The following TMEM130 variants were observed in gnomAD, a reference collection of about 807,000 sequenced individuals.
The protein encoded by TMEM130 is transmembrane protein 130.
Under a neutral mutation model 42.9 loss-of-function variants are expected in TMEM130, and 37 were observed. The ratio of observed to expected loss-of-function variants is 0.86; its 90% CI spans 0.66 to 1.13. The LOEUF (loss-of-function observed/expected upper bound fraction) is 1.13. Among genes scored for constraint, TMEM130 ranks in the 50% most tolerant of loss-of-function variants. The probability of loss-of-function intolerance (pLI) is 0.00; values close to 1 mark genes in which losing one functional copy is unlikely to be tolerated. For missense variants in TMEM130, 545 were observed against 562.6 expected (o/e 0.97, Z 0.32); for synonymous variants, 259 against 237.7 (o/e 1.09, Z -0.82).
intron 1 of TMEM130, among the ~76,000 whole-genome samples, chr7:98,868,110 T>G (rs1353616653): frequency 2.6e-5 from 4 of 152,178 alleles, no homozygotes; most frequent in African/African-American, 9.7e-5. Context: ...GCGCCTGTAA[T>G]CCCAGCTACT....
chr7:98,855,861 G>A (rs1419480279), intron 4 of TMEM130, among the ~76,000 whole-genome samples, 156 bp downstream of exon 4: 2 of 152,206 alleles, frequency 1.3e-5, no homozygotes, highest in Admixed American at 6.5e-5. Context: ...GGCCTGCAGC[G>A]CTCTGTCTGA....
At chr7:98,860,084 A>AG in intron 3 of TMEM130, 95 bp downstream of exon 3, 36 of 1,177,900 alleles carry the variant, frequency 3.1e-5, no homozygotes, top group Non-Finnish European at 3.8e-5. Flanking sequence ...AAAAAAAAAA[A>AG]TTAAAGGTGA....
Position 98,868,328 on chromosome 7 carries a change from C to A in TMEM130, c.85+1449G>T, listed in dbSNP as rs191210088. Among the ~76,000 whole-genome samples the A allele has an allele frequency of 7.2e-5, 11 of 152,274 alleles. No individual in the cohort carries two copies. The East Asian group carries it at 2.1e-3, about 29-fold the overall frequency. ...AGGTTTAGGGGACTCCAAGGGCCCC[C>A]CAAGTCACCCAGAGCTCAAGGGGCA... is the stretch of plus-strand genomic sequence containing the variant. On this transcript the variant is annotated intron_variant, in intron 1 of 7. Transcript: ENST00000339375.
Position 98,847,795 on chromosome 7 carries a change from C to T in TMEM130, c.*261G>A. On this transcript the variant is annotated 3_prime_UTR_variant, in exon 8 of 8. Coordinates refer to ENST00000339375, the MANE Select transcript of TMEM130 (RefSeq NM_152913.3). ...ATCAAAGTCCTGCACGAAGCCTCTT[C>T]AAAGGTAGGGGGTCAAGGGGGTGGT... 1 of 344,686 alleles carries T rather than the reference C, an allele frequency of 2.9e-6. No homozygotes were observed. The highest frequency in any genetic ancestry group is 5.2e-6 in the Non-Finnish European group (1 of 191,018). 21.4% of individuals were successfully genotyped at this position (344,686 alleles called of 1,614,324 possible). A position where few individuals can be genotyped will look rare whatever the true frequency, so the allele number is the denominator to read the frequency against.
chr7:98,859,111 A>AAGGAAGGG (rs1435354404), intron 3 of TMEM130, among the ~76,000 whole-genome samples: 1 of 136,984 alleles, frequency 7.3e-6, no homozygotes, highest in Non-Finnish European at 1.6e-5. Context: ...AGAAGGAAGA[A>AAGGAAGGG]AGGAAGGGAG....
At chr7:98,850,145 G>A (rs1341253885) in intron 6 of TMEM130, among the ~76,000 whole-genome samples, 9 of 149,524 alleles carry the variant, frequency 6.0e-5, no homozygotes, top group Non-Finnish European at 4.5e-5. Flanking sequence ...AACCTCCTGG[G>A]CTCAAGTGAT....
chr7:98,852,018 C>T (rs1045704740), intron 5 of TMEM130, among the ~76,000 whole-genome samples: 2 of 152,208 alleles, frequency 1.3e-5, no homozygotes, highest in African/African-American at 4.8e-5. Flanking sequence ...TCAATCATAG[C>T]TCACTGCAGC....
chr7:98,850,273 A>ATTTTTTTTTTTT (rs1554398023), intron 6 of TMEM130, among the ~76,000 whole-genome samples: 9 of 35,472 alleles, frequency 2.5e-4, no homozygotes, highest in South Asian at 1.1e-3. Context: ...ATATATATAT[A>ATTTTTTTTTTTT]TTTTTTTTTT....
Position 98,863,359 on chromosome 7 carries a change from T to C in TMEM130, c.127A>G (p.Thr43Ala). 1 of 1,605,938 alleles carries C rather than the reference T, an allele frequency of 6.2e-7. No individual in the cohort carries two copies. The highest frequency in any genetic ancestry group is 8.5e-7 in the Non-Finnish European group (1 of 1,178,262). ...LNLTTDSPAT[T>A]GAVVTISASL... ...GCCGAGATGGTCACCACCGCTCCCG[T>C]GGTGGCAGGGCTATCGGTGGTGAGA... The change falls in exon 2 of 8, where the codon ACG (threonine) becomes GCG (alanine). Residue 43 changes from threonine (T) to alanine (A), a missense_variant. Thr to Ala is a moderately conservative substitution (Grantham distance 58). Transcript: ENST00000339375.
chr7:98,848,879 C>T (rs1264500958), intron 6 of TMEM130, among the ~76,000 whole-genome samples, 184 bp from the exon 7 acceptor site: 1 of 152,132 alleles, frequency 6.6e-6, no homozygotes, highest in Non-Finnish European at 1.5e-5. Flanking sequence ...AAAAAATAAA[C>T]TGGGGTCTGG....
chr7:98,853,230 C>T (rs1283418519), intron 5 of TMEM130, among the ~76,000 whole-genome samples: 2 of 152,158 alleles, frequency 1.3e-5, no homozygotes, highest in East Asian at 1.9e-4. Flanking sequence ...TACCTCCAAC[C>T]CCTAAATTAT....
At chr7:98,854,346 G>GAGA (rs1554398641) in intron 5 of TMEM130, among the ~76,000 whole-genome samples, 1 of 152,164 alleles carries the variant, frequency 6.6e-6, no homozygotes, top group African/African-American at 2.4e-5. Context: ...GTCATACACA[G>GAGA]AGGGCTTCTC....
intron 6 of TMEM130, among the ~76,000 whole-genome samples, chr7:98,850,273 A>ATATATATATATATATTTTTTTTTTTTTT: frequency 8.5e-5 from 3 of 35,450 alleles, no homozygotes; most frequent in Admixed American, 8.6e-4. Context: ...ATATATATAT[A>ATATATATATATATATTTTTTTTTTTTTT]TTTTTTTTTT....
rs889743361 is a variant in TMEM130 at position 98,869,013 on chromosome 7, G to A, written c.85+764C>T. ...GCTCTTTTATGAGGGGGGAGGGGGTGAAAAGTGGTGGATAGTATTCAACCT... is the reference window on the plus strand; with the variant it reads ...GCTCTTTTATGAGGGGGGAGGGGGTAAAAAGTGGTGGATAGTATTCAACCT... On this transcript the variant is annotated intron_variant, in intron 1 of 7. Coordinates refer to ENST00000339375, the MANE Select transcript of TMEM130 (RefSeq NM_152913.3). The surrounding 1 kb of genome is among the most constrained non-coding windows in gnomAD (Gnocchi z 4.7). 8.3e-4 allele frequency among the ~76,000 whole-genome samples: 127 copies of A among 152,160 alleles called. No individual in the cohort carries two copies. The highest frequency in any genetic ancestry group is 1.5e-3 in the Non-Finnish European group (100 of 68,024).
chr7:98,860,977 T>C (rs1441636545), intron 2 of TMEM130, among the ~76,000 whole-genome samples: 3 of 138,878 alleles, frequency 2.2e-5, no homozygotes, highest in African/African-American at 8.1e-5. Flanking sequence ...AAGAAGGAAA[T>C]GCATAAGCTT....
intron 5 of TMEM130, among the ~76,000 whole-genome samples, chr7:98,854,762 G>A (rs964818035): frequency 2.6e-5 from 4 of 152,026 alleles, no homozygotes; most frequent in African/African-American, 7.2e-5. Context: ...AAGGCCAGAC[G>A]CAGTGGCTCA....
intron 3 of TMEM130, among the ~76,000 whole-genome samples, chr7:98,859,465 GA>G (rs1794706001): frequency 6.6e-6 from 1 of 152,124 alleles, no homozygotes; most frequent in Non-Finnish European, 1.5e-5. Context: ...ATTAGGTGAA[GA>G]CACCACAAAG....
At chr7:98,855,427 C>A in intron 4 of TMEM130, 103 bp from the exon 5 acceptor site, 5 of 1,059,258 alleles carry the variant, frequency 4.7e-6, no homozygotes, top group Non-Finnish European at 6.8e-6. Flanking sequence ...TCCCCTCCGT[C>A]CCTCTCCTAA....
intron 5 of TMEM130, among the ~76,000 whole-genome samples, chr7:98,852,450 G>A (rs1554398431): frequency 1.3e-5 from 2 of 152,068 alleles, no homozygotes; most frequent in Admixed American, 6.5e-5. Flanking sequence ...TTTTTTAATA[G>A]CGATGGGACT....
Sources: allele counts gnomAD v4.1 joint callset (sites outside exome capture counted in the v4.1 genomes callset), GRCh38; gene constraint gnomAD v4.1.1; non-coding constraint Gnocchi (gnomAD v3.1); transcripts MANE v1.5; gene names NCBI Gene and HGNC (gene_info 2026-07-23, HGNC 2026-07-21).